Variants in GRID2 observed in about 807,000 individuals in gnomAD.
The protein encoded by GRID2 is glutamate receptor ionotropic, delta-2.
Under a neutral mutation model 114.8 loss-of-function variants are expected in GRID2, and 33 were observed. That is an observed-to-expected ratio of 0.29 (90% CI 0.22 to 0.38). GRID2 has a LOEUF of 0.38. Among genes scored for constraint, GRID2 ranks in the 10% least tolerant of loss-of-function variants. The pLI is 1.00. For synonymous variants in GRID2, 505 were observed against 449.9 expected (o/e 1.12, Z -1.55); for missense variants, 1,184 against 1,257.7 (o/e 0.94, Z 0.89).
At position 92,790,112 on chromosome 4, in the gene GRID2, G is replaced by A. The variant is rs114895558; in HGVS notation, c.244+199826G>A. Among the ~76,000 whole-genome samples the A allele has an allele frequency of 9.2e-3, 1,400 of 151,730 alleles. 17 individuals are homozygous for A. Among genetic ancestry groups the A allele is most frequent in the African/African-American group, 0.032 (1,334 of 41,452 alleles). ...GCTTAATGTATGTATATATGTATGT[G>A]CGTATGCGTGTATACATATATAAGT... On this transcript the variant is annotated intron_variant, in intron 2 of 15. Coordinates refer to ENST00000282020, the MANE Select transcript of GRID2 (RefSeq NM_001510.4).
chr4:93,716,630 T>C (rs115208557), intron 14 of GRID2, among the ~76,000 whole-genome samples: 6,401 of 151,956 alleles, frequency 0.042, 220 homozygotes, highest in African/African-American at 0.084. Flanking sequence ...ATATTTAATA[T>C]GTATGTAAAT....
intron 8 of GRID2, among the ~76,000 whole-genome samples, chr4:93,385,143 A>C (rs565662999): frequency 1.7e-4 from 26 of 152,344 alleles, no homozygotes; most frequent in African/African-American, 6.0e-4. Flanking sequence ...CATTTTCAGC[A>C]AGAGCAAGGC....
At chr4:92,360,011 T>C (rs1440133891) in intron 1 of GRID2, among the ~76,000 whole-genome samples, 1 of 151,978 alleles carries the variant, frequency 6.6e-6, no homozygotes, top group African/African-American at 2.4e-5. Flanking sequence ...CTACCTTTAA[T>C]GGTTTGGTTT....
chr4:93,459,645 G>A lies in GRID2; in HGVS notation c.1858+3671G>A, dbSNP rs548255427. 1.4e-4 allele frequency among the ~76,000 whole-genome samples: 21 copies of A among 152,216 alleles called. No individual in the cohort carries two copies. In the East Asian group the frequency reaches 4.1e-3, roughly 29 times the overall value. On this transcript the variant is annotated intron_variant, in intron 11 of 15. Transcript: ENST00000282020. ...CAATTTATTCAGTTTTTCAGTGTATGATTTCAACAACTGCCAATATGCTGA... is the reference window on the plus strand; with the variant it reads ...CAATTTATTCAGTTTTTCAGTGTATAATTTCAACAACTGCCAATATGCTGA...
At chr4:93,154,592 T>A (rs1737006294) in intron 4 of GRID2, among the ~76,000 whole-genome samples, 1 of 152,008 alleles carries the variant, frequency 6.6e-6, no homozygotes, top group Non-Finnish European at 1.5e-5. Context: ...AAGTAAGACA[T>A]AATTTTTTAT....
intron 2 of GRID2, among the ~76,000 whole-genome samples, chr4:92,976,254 C>G (rs1190062874): frequency 6.6e-6 from 1 of 151,922 alleles, no homozygotes; most frequent in East Asian, 1.9e-4. Context: ...AGATAAAATA[C>G]ATATGTGAAA....
At chr4:92,396,170 C>T (rs1579293239) in intron 1 of GRID2, among the ~76,000 whole-genome samples, 1 of 151,868 alleles carries the variant, frequency 6.6e-6, no homozygotes, top group East Asian at 1.9e-4. Flanking sequence ...GGGAAATTTG[C>T]ACTGTAAATT....
At chr4:93,742,613 CATT>C (rs1248896853) in intron 14 of GRID2, among the ~76,000 whole-genome samples, 1 of 152,154 alleles carries the variant, frequency 6.6e-6, no homozygotes, top group Non-Finnish European at 1.5e-5. Context: ...CAGACTTTTT[CATT>C]ATTATTGTAT....
At chr4:92,915,495 T>C (rs1298027116) in intron 2 of GRID2, among the ~76,000 whole-genome samples, 3 of 152,126 alleles carry the variant, frequency 2.0e-5, no homozygotes, top group African/African-American at 7.2e-5. Context: ...AATTTTAAAA[T>C]TGTACTTTGG....
intron 11 of GRID2, among the ~76,000 whole-genome samples, chr4:93,474,687 C>T (rs72668756): frequency 0.014 from 2,153 of 152,136 alleles, 19 homozygotes; most frequent in South Asian, 0.056. Context: ...AGGAGGCTTC[C>T]TAAATTCTCT....
chr4:93,569,406 A>G (rs1231505648), intron 13 of GRID2, among the ~76,000 whole-genome samples: 1 of 152,030 alleles, frequency 6.6e-6, no homozygotes, highest in Non-Finnish European at 1.5e-5. Context: ...TCACCTTCCA[A>G]ATTACATCCC....
chr4:92,377,274 T>C (rs1729400860), intron 1 of GRID2, among the ~76,000 whole-genome samples: 1 of 152,118 alleles, frequency 6.6e-6, no homozygotes, highest in Non-Finnish European at 1.5e-5. Context: ...CACACATCTC[T>C]GGGATAGGGA....
At chr4:92,372,261 A>G (rs1729151366) in intron 1 of GRID2, among the ~76,000 whole-genome samples, 1 of 152,176 alleles carries the variant, frequency 6.6e-6, no homozygotes, top group Admixed American at 6.5e-5. Flanking sequence ...CTCCAATTTT[A>G]AAAGAAGTTC....
At chr4:93,208,356 T>C (rs1157044680) in intron 5 of GRID2, among the ~76,000 whole-genome samples, 1 of 151,904 alleles carries the variant, frequency 6.6e-6, no homozygotes, top group East Asian at 1.9e-4. Context: ...AGTTTATTCA[T>C]TTGGACAAGT....
At chr4:93,018,176 A>G (rs1722945768) in intron 2 of GRID2, among the ~76,000 whole-genome samples, 1 of 151,474 alleles carries the variant, frequency 6.6e-6, no homozygotes, top group South Asian at 2.1e-4. Flanking sequence ...CAATTTATGA[A>G]GAATAATTGT....
chr4:93,463,183 A>G (rs527345767), intron 11 of GRID2, among the ~76,000 whole-genome samples: 3 of 152,238 alleles, frequency 2.0e-5, no homozygotes, highest in East Asian at 3.9e-4. Context: ...TTATCGCACA[A>G]TTCTTCACAA....
chr4:93,671,191 A>T (rs529275685), intron 14 of GRID2, among the ~76,000 whole-genome samples: 4 of 152,286 alleles, frequency 2.6e-5, no homozygotes, highest in African/African-American at 9.6e-5. Flanking sequence ...TGTGGCAGAA[A>T]GCACTCTGAG....
At chr4:92,389,282 C>A (rs1730132131) in intron 1 of GRID2, among the ~76,000 whole-genome samples, 2 of 151,910 alleles carry the variant, frequency 1.3e-5, no homozygotes, top group Non-Finnish European at 2.9e-5. Flanking sequence ...TCATACATAG[C>A]AGAGATGTGG....
At chr4:92,419,393 G>C (rs763866846) in intron 1 of GRID2, among the ~76,000 whole-genome samples, 1 of 152,082 alleles carries the variant, frequency 6.6e-6, no homozygotes, top group Admixed American at 6.6e-5. Context: ...AGAATCGAGA[G>C]GTAGGTGAAT....
Sources: allele counts gnomAD v4.1 joint callset (sites outside exome capture counted in the v4.1 genomes callset), GRCh38; gene constraint gnomAD v4.1.1; transcripts MANE v1.5; gene names NCBI Gene and HGNC (gene_info 2026-07-23, HGNC 2026-07-21).